Variants in C9orf153 observed in about 807,000 individuals in gnomAD.
C9orf153 encodes the protein chromosome 9 open reading frame 153, also known as uncharacterized protein C9orf153.
In C9orf153, 10 loss-of-function variants were observed where a neutral mutation model predicts 9.0. That is an observed-to-expected ratio of 1.11 (90% confidence interval 0.69 to 1.89). The LOEUF is 1.89. Ranked by LOEUF, C9orf153 falls within the 40% of genes most tolerant of loss-of-function variation. The probability of loss-of-function intolerance (pLI) is 0.00; values close to 1 mark genes in which losing one functional copy is unlikely to be tolerated. For synonymous variants in C9orf153, 35 were observed against 37.3 expected, an observed-to-expected ratio of 0.94 and a Z score of 0.23; for missense variants, 108 against 111.0, an observed-to-expected ratio of 0.97 and a Z score of 0.12.
At chr9:86,247,337 C>A (rs1824891136) in intron 1 of C9orf153, among the ~76,000 whole-genome samples, 1 of 152,128 alleles carries the variant, frequency 6.6e-6, no homozygotes, top group Non-Finnish European at 1.5e-5. Context: ...GCACATTCCT[C>A]TACTTTATCT....
chr9:86,225,824 T>G (rs1050924971), intron 3 of C9orf153, among the ~76,000 whole-genome samples: 3 of 152,162 alleles, frequency 2.0e-5, no homozygotes, highest in Admixed American at 2.0e-4. Context: ...ACCAGAAATT[T>G]ACCTCTGGGA....
intron 1 of C9orf153, among the ~76,000 whole-genome samples, chr9:86,233,536 C>T (rs1428459583): frequency 6.6e-6 from 1 of 152,080 alleles, no homozygotes; most frequent in Non-Finnish European, 1.5e-5. Context: ...CCTGCCTCAC[C>T]CTCCTGAGTA....
At chr9:86,226,667 C>T (rs898861614) in intron 3 of C9orf153, among the ~76,000 whole-genome samples, 2 of 152,106 alleles carry the variant, frequency 1.3e-5, no homozygotes, top group African/African-American at 4.8e-5. Context: ...CAAAATATTA[C>T]CTCTCTCAAA....
chr9:86,258,766 G>A (rs1467052027), intron 1 of C9orf153: 2 of 151,960 alleles, frequency 1.3e-5, no homozygotes, highest in East Asian at 3.9e-4. Context: ...AAATTTTAGA[G>A]CAATTTTAGA....
intron 1 of C9orf153, among the ~76,000 whole-genome samples, chr9:86,255,759 G>A (rs149451488): frequency 2.6e-5 from 4 of 152,208 alleles, no homozygotes; most frequent in East Asian, 1.9e-4. Flanking sequence ...AAATAAATTC[G>A]TATGCCTTTT....
At chr9:86,254,674 C>T (rs1370566913) in intron 1 of C9orf153, among the ~76,000 whole-genome samples, 1 of 152,204 alleles carries the variant, frequency 6.6e-6, no homozygotes, top group Non-Finnish European at 1.5e-5. Flanking sequence ...GATCTGTTTA[C>T]CTGCATTGTA....
At chr9:86,249,633 C>T (rs1824951289) in intron 1 of C9orf153, among the ~76,000 whole-genome samples, 1 of 151,870 alleles carries the variant, frequency 6.6e-6, no homozygotes, top group African/African-American at 2.4e-5. Flanking sequence ...ACTGCAACCT[C>T]CATCTCCCGA....
chr9:86,226,552 T>C lies in C9orf153; in HGVS notation c.242+1303A>G, dbSNP rs184212250. On this transcript the variant is annotated intron_variant, in intron 3 of 3. Coordinates refer to ENST00000339137, the MANE Select transcript of C9orf153 (RefSeq NM_001276366.4). ...TTGCCCCGTCCCACTACTTTTAATA[T>C]AAAAATGGTGGTGTTAAAATATTTG... Among the ~76,000 whole-genome samples, 10 of 152,244 alleles carry C rather than the reference T, an allele frequency of 6.6e-5. No homozygotes were observed. The East Asian group carries it at 1.9e-3, about 29-fold the overall frequency.
intron 1 of C9orf153, among the ~76,000 whole-genome samples, chr9:86,256,307 T>C (rs1825121922): frequency 6.6e-6 from 1 of 152,224 alleles, no homozygotes; most frequent in Non-Finnish European, 1.5e-5. Flanking sequence ...TCTCCATCAT[T>C]ATTTTAGGTT....
chr9:86,227,226 C>A, intron 3 of C9orf153: 1 of 1,183,398 alleles, frequency 8.5e-7, no homozygotes. Context: ...AGTTCACTGC[C>A]ACCTCAAACA....
chr9:86,234,223 C>T (rs1320735167), intron 1 of C9orf153, among the ~76,000 whole-genome samples: 3 of 152,206 alleles, frequency 2.0e-5, no homozygotes, highest in Admixed American at 1.3e-4. Flanking sequence ...AGCTTATGCT[C>T]ACTCTGATTT....
At position 86,221,458 on chromosome 9, in the gene C9orf153, C is replaced by A; in HGVS notation, c.*230G>T. 1 of 1,192,572 alleles carries A rather than the reference C, an allele frequency of 8.4e-7. No individual in the cohort carries two copies. Among genetic ancestry groups the A allele is most frequent in the Non-Finnish European group, 1.1e-6 (1 of 934,972 alleles). The allele number at this position is 1,192,572 out of a possible 1,614,324, so 73.9% of individuals were successfully genotyped here. A position where few individuals can be genotyped will look rare whatever the true frequency, so the allele number is the denominator to read the frequency against. Reference sequence around the variant, plus strand: ...TTTTTGTGTATTAAATCAATGCTCTCAAAAGCAAAAATCTACGTCCAAAAT... The same window carrying A: ...TTTTTGTGTATTAAATCAATGCTCTAAAAAGCAAAAATCTACGTCCAAAAT... On this transcript the variant is annotated 3_prime_UTR_variant, in exon 4 of 4. Transcript: ENST00000339137.
intron 3 of C9orf153, among the ~76,000 whole-genome samples, chr9:86,226,973 C>G (rs1824351330): frequency 6.6e-6 from 1 of 152,096 alleles, no homozygotes; most frequent in African/African-American, 2.4e-5. Flanking sequence ...ACCATGTTGG[C>G]CAGGCTGGTC....
At chr9:86,240,481 G>A (rs1359447273) in intron 1 of C9orf153, among the ~76,000 whole-genome samples, 2 of 149,776 alleles carry the variant, frequency 1.3e-5, no homozygotes, top group Non-Finnish European at 3.0e-5. Context: ...GGGTTCAAGC[G>A]ATTCTCCCAC....
chr9:86,229,796 A>C (rs971041740), intron 1 of C9orf153, among the ~76,000 whole-genome samples, 167 bp from the exon 2 acceptor site: 4 of 152,186 alleles, frequency 2.6e-5, no homozygotes, highest in African/African-American at 9.7e-5. Context: ...GAAATATCTG[A>C]AACTGGGTAA....
chr9:86,222,754 C>T (rs953836511), intron 3 of C9orf153, among the ~76,000 whole-genome samples: 7 of 152,226 alleles, frequency 4.6e-5, no homozygotes, highest in Non-Finnish European at 8.8e-5. Flanking sequence ...CAGGAGCCAA[C>T]GGGCCACGGG....
At chr9:86,254,178 CAG>C (rs1388905617) in intron 1 of C9orf153, among the ~76,000 whole-genome samples, 1 of 151,260 alleles carries the variant, frequency 6.6e-6, no homozygotes, top group African/African-American at 2.4e-5. Context: ...TGGGGAACTG[CAG>C]AGAGAAAAAT....
chr9:86,244,267 G>A (rs1434649618), intron 1 of C9orf153, among the ~76,000 whole-genome samples: 2 of 152,040 alleles, frequency 1.3e-5, no homozygotes, highest in South Asian at 2.1e-4. Flanking sequence ...TAGAGACAGG[G>A]TCTTGCTATG....
At chr9:86,234,687 C>T (rs954110235) in intron 1 of C9orf153, among the ~76,000 whole-genome samples, 15 of 152,142 alleles carry the variant, frequency 9.9e-5, no homozygotes, top group Admixed American at 6.5e-5. Flanking sequence ...AAAACATAAG[C>T]TACAGAAGAA....
Sources: gnomAD v4.1 joint callset for allele counts (sites outside exome capture counted in the v4.1 genomes callset) on GRCh38, gnomAD v4.1.1 for gene constraint, MANE v1.5 for transcripts, NCBI Gene and HGNC (gene_info 2026-07-23, HGNC 2026-07-21) for gene names.